The following TENT2 variants were observed in gnomAD, a reference collection of about 807,000 sequenced individuals.
The protein encoded by TENT2 is poly(A) RNA polymerase GLD2.
Under a neutral mutation model 72.2 loss-of-function variants are expected in TENT2, and 44 were observed. That is an observed-to-expected ratio of 0.61 (90% CI 0.48 to 0.78). The LOEUF (loss-of-function observed/expected upper bound fraction) is 0.78, where lower values mean the gene tolerates loss of function less well. Ranked by LOEUF, TENT2 falls within the 30% of genes least tolerant of loss-of-function variation. The probability of loss-of-function intolerance (pLI) is 0.00; values close to 1 mark genes in which losing one functional copy is unlikely to be tolerated. For missense variants in TENT2, 541 were observed against 569.6 expected (o/e 0.95, Z 0.51); for synonymous variants, 212 against 192.5 (o/e 1.10, Z -0.84).
intron 4 of TENT2, among the ~76,000 whole-genome samples, chr5:79,633,997 C>CA (rs562252526): frequency 0.058 from 4,059 of 70,434 alleles, 88 homozygotes; most frequent in African/African-American, 0.082. Flanking sequence ...ACTAAAAATA[C>CA]AAAAAAAAAA....
chr5:79,654,714 A>C (rs1796671384), intron 10 of TENT2, among the ~76,000 whole-genome samples: 1 of 152,098 alleles, frequency 6.6e-6, no homozygotes, highest in African/African-American at 2.4e-5. Flanking sequence ...CAGTGAGCCC[A>C]AATCGTGCCA....
At position 79,623,234 on chromosome 5, in the gene TENT2, T is replaced by C. The variant is rs1238246091; in HGVS notation, c.228-18T>C. On this transcript the variant is annotated intron_variant, in intron 3 of 14. Transcript: ENST00000453514. Reference sequence around the variant, plus strand: ...AAAGTTGTATCTTTAATTACTAAGGTATATTGCTTGTTTTCAGGAGATTAA... The same window carrying C: ...AAAGTTGTATCTTTAATTACTAAGGCATATTGCTTGTTTTCAGGAGATTAA... 6.4e-7 allele frequency: 1 copy of C among 1,556,718 alleles called. No homozygotes were observed. The highest frequency in any genetic ancestry group is 1.4e-5 in the African/African-American group (1 of 73,378).
chr5:79,678,316 C>T (rs962855172), intron 12 of TENT2, among the ~76,000 whole-genome samples: 2 of 151,962 alleles, frequency 1.3e-5, no homozygotes, highest in African/African-American at 4.8e-5. Flanking sequence ...TGATTATATT[C>T]TTAGAAATTC....
At chr5:79,664,467 C>T (rs1205682592) in intron 11 of TENT2, among the ~76,000 whole-genome samples, 12 of 152,036 alleles carry the variant, frequency 7.9e-5, no homozygotes, top group East Asian at 5.8e-4. Context: ...TGGAGGCACG[C>T]GCCTGTAGTC....
chr5:79,645,800 A>C (rs1788388376), intron 8 of TENT2, among the ~76,000 whole-genome samples: 1 of 151,770 alleles, frequency 6.6e-6, no homozygotes, highest in Non-Finnish European at 1.5e-5. Flanking sequence ...GATTTCATAA[A>C]ATTTGTCCAG....
chr5:79,640,838 C>T lies in TENT2; in HGVS notation c.466-13C>T, dbSNP rs116627352. The T allele has an allele frequency of 4.1e-4, 640 of 1,547,856 alleles. 1 individual carries two copies. The African/African-American group carries it at 4.4e-3, about 11-fold the overall frequency. On this transcript the variant is annotated splice_polypyrimidine_tract_variant and intron_variant, in intron 4 of 14. Transcript: ENST00000453514. ...TGAACAAAACTTTTACTTTTTTTTGCGGTGGATTCAAGTTGAGTCAGCAGA... is the reference window on the plus strand; with the variant it reads ...TGAACAAAACTTTTACTTTTTTTTGTGGTGGATTCAAGTTGAGTCAGCAGA...
At chr5:79,660,132 T>G (rs1465534070) in intron 11 of TENT2, among the ~76,000 whole-genome samples, 1 of 152,154 alleles carries the variant, frequency 6.6e-6, no homozygotes, top group Non-Finnish European at 1.5e-5. Flanking sequence ...TTATAACATT[T>G]TAAATATTTT....
intron 11 of TENT2, among the ~76,000 whole-genome samples, chr5:79,659,295 G>A (rs1029702217): frequency 2.6e-5 from 4 of 151,682 alleles, no homozygotes; most frequent in Non-Finnish European, 5.9e-5. Flanking sequence ...AGCACTTTGG[G>A]AGGCTAAGGT....
chr5:79,645,930 C>G lies in TENT2; in HGVS notation c.821+738C>G, dbSNP rs149628886. 5.3e-5 allele frequency among the ~76,000 whole-genome samples: 8 copies of G among 152,238 alleles called. No homozygotes were observed. The East Asian group carries it at 1.5e-3, about 29-fold the overall frequency. Reference sequence around the variant, plus strand: ...CCTACTTGCTAAAAGTTATTTGTAACTGCCTACATGAATATTCATACGCTT... The same window carrying G: ...CCTACTTGCTAAAAGTTATTTGTAAGTGCCTACATGAATATTCATACGCTT... On this transcript the variant is annotated intron_variant, in intron 8 of 14. Transcript: ENST00000453514.
intron 4 of TENT2, among the ~76,000 whole-genome samples, chr5:79,628,982 A>G (rs1033866263): frequency 6.6e-6 from 1 of 152,194 alleles, no homozygotes; most frequent in African/African-American, 2.4e-5. Flanking sequence ...GGACATTGAC[A>G]CAGGCAGTTA....
intron 10 of TENT2, among the ~76,000 whole-genome samples, chr5:79,654,922 G>A (rs1796859047): frequency 1.3e-5 from 2 of 152,160 alleles, no homozygotes; most frequent in South Asian, 2.1e-4. Flanking sequence ...CTACCAGCAA[G>A]CTGTTATGGA....
chr5:79,620,207 A>T, intron 3 of TENT2, 124 bp downstream of exon 3: 1 of 568,502 alleles, frequency 1.8e-6, no homozygotes, highest in Non-Finnish European at 3.0e-6. Flanking sequence ...GACCTGTACG[A>T]TCAGATGAGT....
chr5:79,670,236 A>G lies in TENT2; in HGVS notation c.1208+1208A>G, dbSNP rs141283916. On this transcript the variant is annotated intron_variant, in intron 12 of 14. Coordinates refer to ENST00000453514, the MANE Select transcript of TENT2 (RefSeq NM_001114394.3). ...CTCTATCTCAAAAAAAAAAAAAGAAAAAAGGATTTCAGATAGCTTTGACAC... is the reference window on the plus strand; with the variant it reads ...CTCTATCTCAAAAAAAAAAAAAGAAGAAAGGATTTCAGATAGCTTTGACAC... Among the ~76,000 whole-genome samples, 1,252 of 152,134 alleles carry G rather than the reference A, an allele frequency of 8.2e-3. 34 individuals carry two copies. In the East Asian group the frequency reaches 0.093, roughly 11 times the overall value.
chr5:79,660,620 C>G (rs1490156908), intron 11 of TENT2, among the ~76,000 whole-genome samples: 5 of 152,052 alleles, frequency 3.3e-5, no homozygotes. Flanking sequence ...CAGTAATGTG[C>G]TGCATAATGA....
rs1250589935 is a variant in TENT2, at chr5:79,686,210, C to G, written c.*937C>G. On this transcript the variant is annotated 3_prime_UTR_variant, in exon 15 of 15. Transcript: ENST00000453514. ...TGTAATCTAAACTGGAATTTTTAGGCAGTAAGTCACCACAAAATGTTTTAG... is the reference window on the plus strand; with the variant it reads ...TGTAATCTAAACTGGAATTTTTAGGGAGTAAGTCACCACAAAATGTTTTAG... 6.6e-6 allele frequency: 1 copy of G among 152,320 alleles called. No homozygotes were observed. The highest frequency in any genetic ancestry group is 1.5e-5 in the Non-Finnish European group (1 of 67,968). The allele number at this position is 152,320 out of a possible 1,614,324, so 9.4% of individuals were successfully genotyped here. A position where few individuals can be genotyped will look rare whatever the true frequency, so the allele number is the denominator to read the frequency against.
chr5:79,647,457 G>C, intron 8 of TENT2, among the ~76,000 whole-genome samples: 1 of 152,098 alleles, frequency 6.6e-6, no homozygotes, highest in East Asian at 1.9e-4. Context: ...TTCAGTGTTA[G>C]AATTACACAA....
intron 10 of TENT2, among the ~76,000 whole-genome samples, chr5:79,649,940 A>G (rs1418947453): frequency 6.6e-6 from 1 of 152,170 alleles, no homozygotes; most frequent in Non-Finnish European, 1.5e-5. Flanking sequence ...TTAGCCTGAC[A>G]CCAAGAGTTG....
At chr5:79,640,821 A>G (rs990271347) in intron 4 of TENT2, 30 bp from the exon 5 acceptor site, 2 of 1,467,088 alleles carry the variant, frequency 1.4e-6, no homozygotes, top group Admixed American at 1.9e-5. Flanking sequence ...GCTGAACAAA[A>G]CTTTTACTTT....
chr5:79,657,961 C>T (rs1022423098), intron 11 of TENT2, among the ~76,000 whole-genome samples: 5 of 152,150 alleles, frequency 3.3e-5, no homozygotes, highest in South Asian at 2.1e-4. Context: ...ATTTACTTGA[C>T]ATGGAACATC....
Sources: allele counts gnomAD v4.1 joint callset (sites outside exome capture counted in the v4.1 genomes callset), GRCh38; gene constraint gnomAD v4.1.1; transcripts MANE v1.5; gene names NCBI Gene and HGNC (gene_info 2026-07-23, HGNC 2026-07-21).